The following WDR7 variants were observed in gnomAD, a reference collection of about 807,000 sequenced individuals.
The protein encoded by WDR7 is WD repeat-containing protein 7.
In WDR7, 46 loss-of-function variants were observed where a neutral mutation model predicts 169.4. That is an observed-to-expected ratio of 0.27 (90% confidence interval 0.21 to 0.35). The LOEUF is 0.35. WDR7 is among the 10% of genes least tolerant of loss of function. WDR7 has a pLI of 1.00. For synonymous variants in WDR7, 612 were observed against 666.8 expected, an observed-to-expected ratio of 0.92 and a Z score of 1.27; for missense variants, 1,534 against 1,859.3, an observed-to-expected ratio of 0.83 and a Z score of 3.22.
At position 57,029,170 on chromosome 18, in the gene WDR7, T is replaced by G. The variant is rs2048411514; in HGVS notation, c.*1963T>G. On this transcript the variant is annotated 3_prime_UTR_variant, in exon 28 of 28. Coordinates refer to ENST00000254442, the MANE Select transcript of WDR7 (RefSeq NM_015285.3). ...TGTTCTGTGTGTCAGGAAAGAGGTG[T>G]GAGAGTGGTAGGCAGCCTGCCGCAA... The G allele has an allele frequency of 6.6e-6, 1 of 152,186 alleles. No individual in the cohort carries two copies. Among genetic ancestry groups the G allele is most frequent in the South Asian group, 2.1e-4 (1 of 4,834 alleles). The allele number at this position is 152,186 out of a possible 1,614,324, so 9.4% of individuals were successfully genotyped here. A position where few individuals can be genotyped will look rare whatever the true frequency, so the allele number is the denominator to read the frequency against.
At position 57,011,162 on chromosome 18, in the gene WDR7, A is replaced by G. The variant is rs2048131391; in HGVS notation, c.4165-9583A>G. Among the ~76,000 whole-genome samples, 4 of 152,248 alleles carry G rather than the reference A, an allele frequency of 2.6e-5. No homozygotes were observed. The South Asian group carries it at 8.3e-4, about 31-fold the overall frequency. ...CACTATTCCTAGATAAGGGTGTTGT[A>G]TGTGTATATGTGCATATGCACATGC... On this transcript the variant is annotated intron_variant, in intron 26 of 27. Coordinates refer to ENST00000254442, the MANE Select transcript of WDR7 (RefSeq NM_015285.3).
At chr18:56,862,338 A>G (rs1320481582) in intron 20 of WDR7, among the ~76,000 whole-genome samples, 1 of 151,564 alleles carries the variant, frequency 6.6e-6, no homozygotes, top group Non-Finnish European at 1.5e-5. Context: ...AGCTTTTTGA[A>G]TTAACGGTAT....
chr18:56,667,476 T>C (rs2025048395), intron 1 of WDR7, among the ~76,000 whole-genome samples: 2 of 152,210 alleles, frequency 1.3e-5, no homozygotes, highest in Non-Finnish European at 2.9e-5. Context: ...ATTAAGTATC[T>C]TTACAATGTG....
At chr18:56,915,562 A>G (rs1000216753) in intron 21 of WDR7, among the ~76,000 whole-genome samples, 5 of 152,018 alleles carry the variant, frequency 3.3e-5, no homozygotes, top group African/African-American at 1.2e-4. Flanking sequence ...CTATGTCTTC[A>G]TTGATGATTT....
Position 56,714,548 on chromosome 18 carries a change from G to A in WDR7, c.1579-3416G>A, listed in dbSNP as rs1219846768. On this transcript the variant is annotated intron_variant, in intron 12 of 27. Transcript: ENST00000254442. ...CAACTTCTGCCTCCCAGGTTCAGGCGATTCTCCTCCCTCAGCCTCCCCATC... is the reference window on the plus strand; with the variant it reads ...CAACTTCTGCCTCCCAGGTTCAGGCAATTCTCCTCCCTCAGCCTCCCCATC... Among the ~76,000 whole-genome samples, 14 of 150,850 alleles carry A rather than the reference G, an allele frequency of 9.3e-5. 1 individual carries two copies. The highest frequency in any genetic ancestry group is 5.3e-4 in the Admixed American group (8 of 15,100).
intron 5 of WDR7, among the ~76,000 whole-genome samples, chr18:56,684,516 A>G (rs574528807): frequency 1.3e-5 from 2 of 152,300 alleles, no homozygotes; most frequent in African/African-American, 2.4e-5. Flanking sequence ...GAGTTGACTC[A>G]TGAGCTGTAG....
At chr18:56,855,749 T>C (rs2045711223) in intron 20 of WDR7, among the ~76,000 whole-genome samples, 1 of 152,202 alleles carries the variant, frequency 6.6e-6, no homozygotes, top group Non-Finnish European at 1.5e-5. Flanking sequence ...CATTCCTTCT[T>C]TTCTTCTTCA....
At chr18:56,699,936 TC>T (rs1408073313) in intron 12 of WDR7, 1 of 925,938 alleles carries the variant, frequency 1.1e-6, no homozygotes, top group Non-Finnish European at 1.3e-6. Flanking sequence ...ATCCTTTCTT[TC>T]CCCACTCCTT....
At chr18:56,813,374 A>C (rs1266893797) in intron 19 of WDR7, among the ~76,000 whole-genome samples, 7 of 152,028 alleles carry the variant, frequency 4.6e-5, no homozygotes, top group African/African-American at 1.7e-4. Flanking sequence ...AAGCATTCAG[A>C]CTTTCACCAT....
At chr18:56,837,815 A>G (rs1314877565) in intron 20 of WDR7, among the ~76,000 whole-genome samples, 1 of 152,082 alleles carries the variant, frequency 6.6e-6, no homozygotes, top group African/African-American at 2.4e-5. Flanking sequence ...GCCCACCACC[A>G]TGCCCAGCTA....
intron 14 of WDR7, among the ~76,000 whole-genome samples, chr18:56,736,384 T>C (rs1051562427): frequency 6.6e-6 from 1 of 151,988 alleles, no homozygotes; most frequent in African/African-American, 2.4e-5. Flanking sequence ...AAGATAGAAA[T>C]TGAGAGTTGT....
chr18:56,743,723 AAG>A (rs1044668913), intron 14 of WDR7, among the ~76,000 whole-genome samples: 3 of 152,268 alleles, frequency 2.0e-5, no homozygotes, highest in Admixed American at 1.3e-4. Context: ...AAGAGAAGGA[AAG>A]AGAGTAGCTA....
At chr18:56,984,954 A>G (rs2047693150) in intron 26 of WDR7, among the ~76,000 whole-genome samples, 2 of 152,090 alleles carry the variant, frequency 1.3e-5, no homozygotes, top group East Asian at 1.9e-4. Flanking sequence ...TTGATTATCT[A>G]CACAATGTCT....
At chr18:56,716,526 T>C (rs1234026834) in intron 12 of WDR7, among the ~76,000 whole-genome samples, 3 of 152,202 alleles carry the variant, frequency 2.0e-5, no homozygotes, top group Non-Finnish European at 4.4e-5. Flanking sequence ...TTAGGTTGTT[T>C]ACAAAAGTAA....
chr18:56,963,377 G>A (rs1294166156), intron 26 of WDR7, among the ~76,000 whole-genome samples: 1 of 152,084 alleles, frequency 6.6e-6, no homozygotes, highest in Non-Finnish European at 1.5e-5. Context: ...CAGAAGGATA[G>A]GAAGAAATTC....
intron 20 of WDR7, among the ~76,000 whole-genome samples, chr18:56,826,291 T>C (rs1453569560): frequency 1.0e-5 from 1 of 96,912 alleles, no homozygotes; most frequent in African/African-American, 2.9e-5. Flanking sequence ...GACAACAATG[T>C]CTCATAATTC....
chr18:56,818,906 T>G (rs2145226914), intron 20 of WDR7, among the ~76,000 whole-genome samples: 1 of 152,320 alleles, frequency 6.6e-6, no homozygotes, highest in South Asian at 2.1e-4. Context: ...TAAGTAGTAA[T>G]TATATCATGA....
intron 20 of WDR7, among the ~76,000 whole-genome samples, chr18:56,824,924 G>A (rs2045170020): frequency 6.6e-6 from 1 of 152,168 alleles, no homozygotes; most frequent in Admixed American, 6.5e-5. Flanking sequence ...GTGGAAGTTG[G>A]GATGTGCTAT....
At chr18:56,884,569 T>C (rs1043246580) in intron 21 of WDR7, among the ~76,000 whole-genome samples, 1 of 152,206 alleles carries the variant, frequency 6.6e-6, no homozygotes, top group Admixed American at 6.5e-5. Context: ...GGTCATGAAG[T>C]CTTTCCCTAA....
Sources: allele counts gnomAD v4.1 joint callset (sites outside exome capture counted in the v4.1 genomes callset), GRCh38; gene constraint gnomAD v4.1.1; transcripts MANE v1.5; gene names NCBI Gene and HGNC (gene_info 2026-07-23, HGNC 2026-07-21).